The following SLC13A3 variants were observed in gnomAD, a reference collection of about 807,000 sequenced individuals.
SLC13A3 encodes Na(+)/dicarboxylate cotransporter 3.
SLC13A3 carries 40 observed loss-of-function variants against 59.0 expected under a neutral mutation model. The ratio of observed to expected loss-of-function variants is 0.68; its 90% confidence interval spans 0.53 to 0.88. The LOEUF is 0.88. SLC13A3 is among the 40% of genes least tolerant of loss of function. The pLI is 0.00. For synonymous variants in SLC13A3, 317 were observed against 330.3 expected (o/e 0.96, Z 0.44); for missense variants, 699 against 783.2 (o/e 0.89, Z 1.28).
chr20:46,562,282 C>G (rs937025161), intron 12 of SLC13A3, among the ~76,000 whole-genome samples: 4 of 152,164 alleles, frequency 2.6e-5, no homozygotes, highest in Non-Finnish European at 5.9e-5. Context: ...GACCTCGTGT[C>G]TCCAACCTCA....
chr20:46,633,356 T>C (rs2062763067), intron 1 of SLC13A3, among the ~76,000 whole-genome samples: 1 of 152,186 alleles, frequency 6.6e-6, no homozygotes, highest in South Asian at 2.1e-4. Context: ...ACAAGGCCAC[T>C]AGGAGTCACA....
chr20:46,600,109 G>A, intron 3 of SLC13A3, 72 bp from the exon 4 acceptor site: 1 of 1,199,536 alleles, frequency 8.3e-7, no homozygotes. Context: ...ATCTTGTGAA[G>A]TCAGTCAAGA....
chr20:46,587,551 C>T (rs956313602), intron 8 of SLC13A3, among the ~76,000 whole-genome samples: 3 of 152,192 alleles, frequency 2.0e-5, no homozygotes, highest in African/African-American at 7.2e-5. Context: ...ATCTCCACTG[C>T]TTTCATCTGC....
chr20:46,595,105 G>A (rs1018859234), intron 5 of SLC13A3, among the ~76,000 whole-genome samples: 1 of 152,068 alleles, frequency 6.6e-6, no homozygotes, highest in Non-Finnish European at 1.5e-5. Flanking sequence ...GTCCTTTGTT[G>A]GCCAAATGCT....
chr20:46,581,442 C>T (rs1293133047), intron 9 of SLC13A3, among the ~76,000 whole-genome samples: 1 of 152,210 alleles, frequency 6.6e-6, no homozygotes. Flanking sequence ...CAGAGACCCA[C>T]TGGGCAAAGA....
At chr20:46,575,709 A>C in intron 9 of SLC13A3, 24 bp from the exon 10 acceptor site, 1 of 1,485,278 alleles carries the variant, frequency 6.7e-7, no homozygotes, top group Non-Finnish European at 9.2e-7. Context: ...GGGATTCAGC[A>C]CACACTCAGG....
intron 2 of SLC13A3, among the ~76,000 whole-genome samples, chr20:46,613,222 C>A (rs1453426112): frequency 6.6e-6 from 1 of 151,994 alleles, no homozygotes; most frequent in Non-Finnish European, 1.5e-5. Flanking sequence ...GGTGATTCTT[C>A]TGCACCTTTG....
chr20:46,584,175 T>C, intron 8 of SLC13A3: 1 of 985,344 alleles, frequency 1.0e-6, no homozygotes, highest in Non-Finnish European at 1.2e-6. Flanking sequence ...CCACAATGTG[T>C]CCTTTAGGGG....
upstream of SLC13A3, among the ~76,000 whole-genome samples, chr20:46,675,083 C>T (rs916230261): frequency 4.0e-5 from 6 of 151,414 alleles, no homozygotes; most frequent in Non-Finnish European, 8.8e-5. Context: ...CTGAGATGTG[C>T]GCAAGGCTGG....
At chr20:46,648,615 C>T (rs1176306570) in intron 1 of SLC13A3, among the ~76,000 whole-genome samples, 1 of 152,142 alleles carries the variant, frequency 6.6e-6, no homozygotes, top group African/African-American at 2.4e-5. Context: ...ATGTAAGGCA[C>T]AGCAGTTAGA....
At chr20:46,563,359 C>T in intron 12 of SLC13A3, 55 bp downstream of exon 12, 1 of 1,582,292 alleles carries the variant, frequency 6.3e-7, no homozygotes, top group Admixed American at 1.7e-5. Flanking sequence ...CCTTGCCCGC[C>T]CCCTTGCGGC....
intron 1 of SLC13A3, among the ~76,000 whole-genome samples, chr20:46,667,544 G>A (rs2063068368): frequency 6.6e-6 from 1 of 152,164 alleles, no homozygotes; most frequent in South Asian, 2.1e-4. Context: ...CTATTTGCCA[G>A]GCTCCGTTTT....
chr20:46,610,473 G>A lies in SLC13A3; in HGVS notation c.514C>T (p.Pro172Ser). The change falls in exon 3 of 13, where the codon CCC becomes TCC. Residue 172 changes from proline to serine, a missense_variant. Physicochemically the swap from Pro to Ser is moderately conservative, Grantham distance 74 (BLOSUM62 -1). Coordinates refer to ENST00000279027, the MANE Select transcript of SLC13A3 (RefSeq NM_022829.6). ...LFGQKEVRKD[P>S]SQESEENTAA... ...GTGTTCTCTTCACTCTCCTGGCTGG[G>A]GTCCTTTCGAACCTCCTTCTGGCCA... The A allele has an allele frequency of 2.5e-6, 4 of 1,613,860 alleles. No homozygotes were observed. Among genetic ancestry groups the A allele is most frequent in the Non-Finnish European group, 3.4e-6 (4 of 1,179,920 alleles).
At chr20:46,561,970 G>A (rs992508022) in intron 12 of SLC13A3, among the ~76,000 whole-genome samples, 2 of 152,126 alleles carry the variant, frequency 1.3e-5, no homozygotes, top group Admixed American at 1.3e-4. Flanking sequence ...CTGGCTGACC[G>A]GGGGTGCCCC....
At chr20:46,574,065 G>A (rs1359255783) in intron 10 of SLC13A3, among the ~76,000 whole-genome samples, 1 of 152,162 alleles carries the variant, frequency 6.6e-6, no homozygotes, top group Non-Finnish European at 1.5e-5. Context: ...CTGTGCAAAC[G>A]TAGGCGAGCT....
At chr20:46,590,983 C>T (rs1390089814) in intron 6 of SLC13A3, among the ~76,000 whole-genome samples, 3 of 150,722 alleles carry the variant, frequency 2.0e-5, no homozygotes, top group African/African-American at 7.3e-5. Flanking sequence ...ACAGAGTAAA[C>T]CCCTCTCTCT....
chr20:46,587,071 G>A (rs1039552489), intron 8 of SLC13A3, among the ~76,000 whole-genome samples: 3 of 152,088 alleles, frequency 2.0e-5, no homozygotes, highest in Non-Finnish European at 4.4e-5. Context: ...ATCAAATGGC[G>A]GGCCAGATTT....
At chr20:46,571,098 T>C (rs2062025026) in intron 10 of SLC13A3, among the ~76,000 whole-genome samples, 1 of 152,080 alleles carries the variant, frequency 6.6e-6, no homozygotes, top group African/African-American at 2.4e-5. Flanking sequence ...GAAAAGCCCC[T>C]TACAAAAAAT....
At chr20:46,614,533 G>C (rs1568938050) in intron 1 of SLC13A3, among the ~76,000 whole-genome samples, 4 of 152,332 alleles carry the variant, frequency 2.6e-5, no homozygotes, top group Non-Finnish European at 5.9e-5. Context: ...AGTTGGGACA[G>C]GGAGCAACTG....
Sources: allele counts gnomAD v4.1 joint callset (sites outside exome capture counted in the v4.1 genomes callset), GRCh38; gene constraint gnomAD v4.1.1; transcripts MANE v1.5; gene names NCBI Gene and HGNC (gene_info 2026-07-23, HGNC 2026-07-21).